The following N4BP1 variants were observed in gnomAD, a reference collection of about 807,000 sequenced individuals.
N4BP1 encodes NEDD4-binding protein 1.
Under a neutral mutation model 70.9 loss-of-function variants are expected in N4BP1, and 21 were observed. That is an observed-to-expected ratio of 0.30 (90% CI 0.21 to 0.43). The LOEUF is 0.43. N4BP1 is among the 20% of genes least tolerant of loss of function. The probability of loss-of-function intolerance (pLI) is 1.00; values close to 1 mark genes in which losing one functional copy is unlikely to be tolerated. For synonymous variants in N4BP1, 387 were observed against 394.6 expected (o/e 0.98, Z 0.23); for missense variants, 936 against 1,069.4 (o/e 0.88, Z 1.74).
intron 4 of N4BP1, 37 bp from the exon 5 acceptor site, chr16:48,548,151 G>T (rs776035895): frequency 8.5e-7 from 1 of 1,179,836 alleles, no homozygotes; most frequent in South Asian, 1.3e-5. Flanking sequence ...TCAGCAACAG[G>T]CATCCTTGGC....
chr16:48,588,294 CTTT>C (rs34308285), intron 1 of N4BP1, among the ~76,000 whole-genome samples: 13 of 134,796 alleles, frequency 9.6e-5, no homozygotes, highest in Non-Finnish European at 1.3e-4. Flanking sequence ...ACTATGTTTT[CTTT>C]TTTTTTTTTT....
At chr16:48,570,684 CCTG>C (rs1210717530) in intron 1 of N4BP1, among the ~76,000 whole-genome samples, 1 of 152,114 alleles carries the variant, frequency 6.6e-6, no homozygotes, top group Non-Finnish European at 1.5e-5. Context: ...TCTAAATCTG[CCTG>C]CTATTATTTA....
intron 1 of N4BP1, among the ~76,000 whole-genome samples, chr16:48,593,841 C>T (rs1209822375): frequency 1.3e-5 from 2 of 151,748 alleles, no homozygotes; most frequent in Non-Finnish European, 2.9e-5. Flanking sequence ...GAAATAGTGT[C>T]TCTACTAAAA....
rs879550174 is a variant in N4BP1, at chr16:48,542,264, C to T, written c.*640G>A. Reference sequence around the variant, plus strand: ...TGGGACTCCATGGGCTCCACGATGTCTTCTAGCCCTGGTATTCTGTGAGAC... The same window carrying T: ...TGGGACTCCATGGGCTCCACGATGTTTTCTAGCCCTGGTATTCTGTGAGAC... On this transcript the variant is annotated 3_prime_UTR_variant, in exon 7 of 7. Transcript: ENST00000262384. 3 of 152,532 alleles carry T rather than the reference C, an allele frequency of 2.0e-5. No homozygotes were observed. The highest frequency in any genetic ancestry group is 4.4e-5 in the Non-Finnish European group (3 of 68,068). 9.4% of individuals were successfully genotyped at this position (152,532 alleles called of 1,614,324 possible).
In N4BP1 at chr16:48,561,167, A is replaced by G; in HGVS notation, c.1476T>C (p.Leu492=). ...ICNTDPETDG[L]SPSVASPSPK... The stretch of plus-strand genomic sequence containing the variant: ...GACTTGGAGAGGCAACAGAAGGTGA[A>G]AGGCCATCAGTTTCAGGGTCTGTGT... The change falls in exon 2 of 7, where the codon CTT becomes CTC. Residue 492 remains leucine, a synonymous_variant. Transcript: ENST00000262384. The G allele has an allele frequency of 6.2e-7, 1 of 1,614,022 alleles. No individual in the cohort carries two copies. Among genetic ancestry groups the G allele is most frequent in the Non-Finnish European group, 8.5e-7 (1 of 1,179,892 alleles).
chr16:48,609,626 G>T, intron 1 of N4BP1, 149 bp downstream of exon 1: 1 of 619,990 alleles, frequency 1.6e-6, no homozygotes, highest in Non-Finnish European at 2.3e-6. Context: ...CACATGGCTC[G>T]CGAGCCGAAA....
At chr16:48,572,514 T>C (rs1445324328) in intron 1 of N4BP1, among the ~76,000 whole-genome samples, 1 of 152,190 alleles carries the variant, frequency 6.6e-6, no homozygotes, top group East Asian at 1.9e-4. Flanking sequence ...CCACATTACA[T>C]ATCGCATACA....
At position 48,542,950 on chromosome 16, in the gene N4BP1, G is replaced by T; in HGVS notation, c.2645C>A (p.Pro882Gln). The stretch of plus-strand genomic sequence containing the variant: ...AAGCGCATTTAGATCTTTCATGTAT[G>T]GGTGGGCCACCAAGATCTGGTCTAT... ...LKIDQILVAHPYMKDLNALSA... is the reference protein window; with the variant it reads ...LKIDQILVAHQYMKDLNALSA... Residue 882 changes from proline (P) to glutamine (Q), a missense_variant, in exon 7 of 7, where the codon CCA (proline) becomes CAA (glutamine). Pro to Gln is a moderately conservative substitution (Grantham distance 76, BLOSUM62 -1). Coordinates refer to ENST00000262384, the MANE Select transcript of N4BP1 (RefSeq NM_153029.4). 1.2e-6 allele frequency: 2 copies of T among 1,613,622 alleles called. No homozygotes were observed. The highest frequency in any genetic ancestry group is 1.7e-6 in the Non-Finnish European group (2 of 1,179,590).
intron 1 of N4BP1, among the ~76,000 whole-genome samples, chr16:48,576,384 T>C (rs1964093855): frequency 6.6e-6 from 1 of 152,200 alleles, no homozygotes; most frequent in African/African-American, 2.4e-5. Context: ...GAAGGGTGCT[T>C]ATCTGCCCCA....
chr16:48,547,900 C>T (rs1257463091), intron 5 of N4BP1, 107 bp downstream of exon 5: 2 of 741,956 alleles, frequency 2.7e-6, no homozygotes, highest in African/African-American at 1.7e-5. Flanking sequence ...CCTATATTGC[C>T]TTCTGTGGAG....
intron 1 of N4BP1, among the ~76,000 whole-genome samples, chr16:48,609,126 G>A (rs1964634200): frequency 6.6e-6 from 1 of 151,848 alleles, no homozygotes; most frequent in Non-Finnish European, 1.5e-5. Context: ...GAGGTGGGAG[G>A]ATCACTTGAG....
chr16:48,575,189 CATT>C (rs773714161), intron 1 of N4BP1, among the ~76,000 whole-genome samples: 1 of 152,136 alleles, frequency 6.6e-6, no homozygotes, highest in Non-Finnish European at 1.5e-5. Context: ...AAGTATACAG[CATT>C]ATTAAGTTTG....
At chr16:48,608,892 CA>C (rs1233776703) in intron 1 of N4BP1, among the ~76,000 whole-genome samples, 1 of 151,844 alleles carries the variant, frequency 6.6e-6, no homozygotes, top group Non-Finnish European at 1.5e-5. Context: ...TAGGTAATAT[CA>C]ATACAAAGAA....
intron 1 of N4BP1, among the ~76,000 whole-genome samples, chr16:48,593,368 T>C (rs113167003): frequency 2.0e-5 from 3 of 152,372 alleles, no homozygotes; most frequent in African/African-American, 7.2e-5. Context: ...GAAAGCAGAA[T>C]GTACTTTTGG....
intron 1 of N4BP1, among the ~76,000 whole-genome samples, chr16:48,598,203 G>A (rs925948675): frequency 6.6e-6 from 1 of 152,346 alleles, no homozygotes; most frequent in African/African-American, 2.4e-5. Flanking sequence ...TAGGAAATTG[G>A]TAAGTGCTGT....
chr16:48,558,031 C>T (rs916107499), intron 2 of N4BP1, among the ~76,000 whole-genome samples: 8 of 152,066 alleles, frequency 5.3e-5, no homozygotes, highest in Non-Finnish European at 1.2e-4. Context: ...GCATTTACTA[C>T]GTTCGCAATG....
rs753055285 is a variant in N4BP1, at chr16:48,560,958, G to A, written c.1685C>T (p.Ser562Phe). 2 of 1,613,994 alleles carry A rather than the reference G, an allele frequency of 1.2e-6. No individual in the cohort carries two copies. The highest frequency in any genetic ancestry group is 1.7e-6 in the Non-Finnish European group (2 of 1,179,866). ...PHSKPNCSTL[S>F]PPMPLPQLLP... ...CAGCTGGGGCAGTGGCATTGGTGGA[G>A]AAAGGGTTGAGCAATTTGGCTTAGA... The change falls in exon 2 of 7, where the codon TCT (serine) becomes TTT (phenylalanine). Residue 562 changes from serine to phenylalanine, a missense_variant. Around this residue, in one of 4 missense-constraint regions of N4BP1, gnomAD observed 515 missense variants for 491.7 expected, o/e 1.05. Transcript: ENST00000262384.
At chr16:48,568,572 G>C (rs1167941160) in intron 1 of N4BP1, among the ~76,000 whole-genome samples, 1 of 152,148 alleles carries the variant, frequency 6.6e-6, no homozygotes, top group Non-Finnish European at 1.5e-5. Flanking sequence ...TTCTTCAACT[G>C]AGAATGCTTT....
chr16:48,560,028 A>C (rs1963829494), intron 2 of N4BP1, among the ~76,000 whole-genome samples: 1 of 152,128 alleles, frequency 6.6e-6, no homozygotes, highest in South Asian at 2.1e-4. Context: ...GCCCCAAATC[A>C]AACAGCTGGT....
Sources: allele counts gnomAD v4.1 joint callset (sites outside exome capture counted in the v4.1 genomes callset), GRCh38; gene constraint gnomAD v4.1.1; regional missense constraint gnomAD v4.1.1; transcripts MANE v1.5; gene names NCBI Gene and HGNC (gene_info 2026-07-23, HGNC 2026-07-21).